The following NKAIN2 variants were observed in gnomAD, a reference collection of about 807,000 sequenced individuals.
NKAIN2 encodes sodium/potassium-transporting ATPase subunit beta-1-interacting protein 2.
In NKAIN2, 14 loss-of-function variants were observed where a neutral mutation model predicts 32.6. That is an observed-to-expected ratio of 0.43 (90% CI 0.28 to 0.67). NKAIN2 has a LOEUF of 0.67. Among genes scored for constraint, NKAIN2 ranks in the 30% least tolerant of loss-of-function variants. NKAIN2 has a pLI of 0.17. For synonymous variants in NKAIN2, 80 were observed against 87.2 expected, an observed-to-expected ratio of 0.92 and a Z score of 0.46; for missense variants, 198 against 258.3, an observed-to-expected ratio of 0.77 and a Z score of 1.60.
chr6:124,439,165 T>C lies in NKAIN2; in HGVS notation c.273+83818T>C, dbSNP rs549328002. On this transcript the variant is annotated intron_variant, in intron 3 of 6. Coordinates refer to ENST00000368417, the MANE Select transcript of NKAIN2 (RefSeq NM_001040214.3). ...AACAAACAACTCCCGATTTTCGCATTACGCTTCCGCTCTAAAGAAACCTAG... is the reference window on the plus strand; with the variant it reads ...AACAAACAACTCCCGATTTTCGCATCACGCTTCCGCTCTAAAGAAACCTAG... Among the ~76,000 whole-genome samples the C allele has an allele frequency of 3.9e-5, 6 of 152,278 alleles. No individual in the cohort carries two copies. The South Asian group carries it at 1.2e-3, about 32-fold the overall frequency.
chr6:124,592,999 CT>C (rs908146891), intron 3 of NKAIN2, among the ~76,000 whole-genome samples: 2 of 152,186 alleles, frequency 1.3e-5, no homozygotes, highest in Non-Finnish European at 2.9e-5. Context: ...AATCTTCCCC[CT>C]ACTAACATTC....
At chr6:124,729,018 A>C (rs1265381747) in intron 4 of NKAIN2, among the ~76,000 whole-genome samples, 3 of 150,308 alleles carry the variant, frequency 2.0e-5, no homozygotes, top group African/African-American at 4.9e-5. Context: ...GAAGAAGTTG[A>C]ATCTCTGAAT....
intron 3 of NKAIN2, among the ~76,000 whole-genome samples, chr6:124,574,045 C>T (rs1416246542): frequency 6.6e-6 from 1 of 152,030 alleles, no homozygotes; most frequent in Non-Finnish European, 1.5e-5. Context: ...TTGACATGCA[C>T]AATCTTAGGC....
At chr6:123,866,058 T>C (rs2114257710) in intron 1 of NKAIN2, among the ~76,000 whole-genome samples, 1 of 152,356 alleles carries the variant, frequency 6.6e-6, no homozygotes, top group East Asian at 1.9e-4. Flanking sequence ...TCTATCTCCC[T>C]AGTATAAACC....
In NKAIN2 at chr6:123,981,834, A is replaced by T. The variant is rs1368217676; in HGVS notation, c.54+177580A>T. Among the ~76,000 whole-genome samples, 4 of 152,102 alleles carry T rather than the reference A, an allele frequency of 2.6e-5. No individual in the cohort carries two copies. The East Asian group carries it at 7.8e-4, about 29-fold the overall frequency. On this transcript the variant is annotated intron_variant, in intron 1 of 6. Coordinates refer to ENST00000368417, the MANE Select transcript of NKAIN2 (RefSeq NM_001040214.3). ...TTGAGGGAGGGGGATGGAGAGGGAG[A>T]GCAGGCAAAGGGAGCAGAAGCTGGA...
chr6:124,401,571 A>G (rs1773628080), intron 3 of NKAIN2, among the ~76,000 whole-genome samples: 1 of 152,202 alleles, frequency 6.6e-6, no homozygotes, highest in Non-Finnish European at 1.5e-5. Flanking sequence ...CCTCTGCTCT[A>G]CAGCATAGCT....
intron 1 of NKAIN2, among the ~76,000 whole-genome samples, chr6:124,273,438 G>T (rs1257642015): frequency 6.6e-6 from 1 of 152,158 alleles, no homozygotes; most frequent in African/African-American, 2.4e-5. Flanking sequence ...AGGCCTCCCA[G>T]ACATGCAGAA....
chr6:124,362,624 T>C (rs537224920), intron 3 of NKAIN2, among the ~76,000 whole-genome samples: 1 of 152,284 alleles, frequency 6.6e-6, no homozygotes, highest in Non-Finnish European at 1.5e-5. Flanking sequence ...TCTTCAGTCT[T>C]GACCTTGTTG....
At chr6:124,377,638 G>A (rs1227502015) in intron 3 of NKAIN2, among the ~76,000 whole-genome samples, 1 of 152,166 alleles carries the variant, frequency 6.6e-6, no homozygotes, top group East Asian at 1.9e-4. Context: ...GAAGAGAAAT[G>A]TGAGGGGTGA....
chr6:124,039,949 C>T (rs1279964552), intron 1 of NKAIN2, among the ~76,000 whole-genome samples: 1 of 151,948 alleles, frequency 6.6e-6, no homozygotes, highest in Non-Finnish European at 1.5e-5. Context: ...TTTTAACATA[C>T]ACCTACATGC....
intron 4 of NKAIN2, among the ~76,000 whole-genome samples, chr6:124,780,727 C>T (rs1320142399): frequency 6.6e-6 from 1 of 152,204 alleles, no homozygotes; most frequent in Non-Finnish European, 1.5e-5. Context: ...GACTCTCCAC[C>T]TGATATGAGA....
chr6:124,212,135 A>C (rs1056286657), intron 1 of NKAIN2, among the ~76,000 whole-genome samples: 1 of 152,092 alleles, frequency 6.6e-6, no homozygotes, highest in Admixed American at 6.6e-5. Context: ...ATGACTTTAA[A>C]CCTAGTACAG....
At chr6:124,807,676 C>T (rs374361049) in intron 5 of NKAIN2, among the ~76,000 whole-genome samples, 29 of 150,654 alleles carry the variant, frequency 1.9e-4, no homozygotes, top group African/African-American at 6.3e-4. Context: ...ACAAAAAACC[C>T]TTCAAAAAAT....
chr6:124,409,708 A>G (rs1410598542), intron 3 of NKAIN2, among the ~76,000 whole-genome samples: 1 of 152,222 alleles, frequency 6.6e-6, no homozygotes, highest in East Asian at 1.9e-4. Context: ...GCTGCCTCAT[A>G]AAATGAGTTA....
chr6:124,676,777 T>A (rs1773377526), intron 4 of NKAIN2, among the ~76,000 whole-genome samples: 1 of 152,082 alleles, frequency 6.6e-6, no homozygotes, highest in African/African-American at 2.4e-5. Context: ...TTGTGACAAT[T>A]TATTTAAAGT....
chr6:123,883,753 A>C (rs1158183589), intron 1 of NKAIN2, among the ~76,000 whole-genome samples: 2 of 150,874 alleles, frequency 1.3e-5, no homozygotes, highest in African/African-American at 2.4e-5. Flanking sequence ...TTTTTAAAAA[A>C]AATTGGTGTC....
chr6:124,421,086 A>AAG (rs1774727481), intron 3 of NKAIN2, among the ~76,000 whole-genome samples: 1 of 151,518 alleles, frequency 6.6e-6, no homozygotes, highest in Admixed American at 6.6e-5. Context: ...AAAAAAAAAA[A>AAG]AAAAAAAACA....
At chr6:123,956,056 C>T (rs935245467) in intron 1 of NKAIN2, among the ~76,000 whole-genome samples, 2 of 150,248 alleles carry the variant, frequency 1.3e-5, no homozygotes, top group South Asian at 4.2e-4. Context: ...GCTACCATGC[C>T]GAACTACATT....
intron 1 of NKAIN2, among the ~76,000 whole-genome samples, chr6:124,227,064 C>T (rs1384460337): frequency 7.0e-6 from 1 of 143,178 alleles, no homozygotes; most frequent in Non-Finnish European, 1.5e-5. Flanking sequence ...TTGGAAGATT[C>T]ACTATTGCTA....
Sources: gnomAD v4.1 joint callset for allele counts (sites outside exome capture counted in the v4.1 genomes callset) on GRCh38, gnomAD v4.1.1 for gene constraint, MANE v1.5 for transcripts, NCBI Gene and HGNC (gene_info 2026-07-23, HGNC 2026-07-21) for gene names.